The following PPP2R1B variants were observed in gnomAD, a reference collection of about 807,000 sequenced individuals.
The protein encoded by PPP2R1B is protein phosphatase 2 scaffold subunit Abeta.
In PPP2R1B, 58 loss-of-function variants were observed where a neutral mutation model predicts 72.7. The ratio of observed to expected loss-of-function variants is 0.80; its 90% CI spans 0.65 to 0.99. The LOEUF is 0.99. PPP2R1B is among the 50% of genes least tolerant of loss of function. The pLI is 0.00. For missense variants in PPP2R1B, 695 were observed against 733.6 expected (o/e 0.95, Z 0.61); for synonymous variants, 256 against 264.6 (o/e 0.97, Z 0.32).
At chr11:111,696,189 T>C in the PPP2R1B span, among the ~76,000 whole-genome samples, 3 of 152,114 alleles carry the variant, frequency 2.0e-5, no homozygotes, top group African/African-American at 7.2e-5. Context: ...TGAATACAAA[T>C]TGGAGAAGAC....
the PPP2R1B span, among the ~76,000 whole-genome samples, chr11:111,709,111 G>C: frequency 6.6e-6 from 1 of 152,192 alleles, no homozygotes; most frequent in Non-Finnish European, 1.5e-5. Context: ...CTCACAGTTC[G>C]GGAGGCCGGA....
the PPP2R1B span, chr11:111,712,331 G>A: frequency 6.2e-7 from 1 of 1,614,184 alleles, no homozygotes; most frequent in South Asian, 1.1e-5. Context: ...TGGCTGTCAG[G>A]CGGAAGCTGC....
intron 1 of PPP2R1B, chr11:111,766,045 C>T (rs1945522326): frequency 3.3e-6 from 2 of 611,804 alleles, no homozygotes; most frequent in Admixed American, 2.6e-5. Context: ...GGGTCCGAAG[C>T]AAGGTTACTA....
downstream of PPP2R1B, chr11:111,722,564 A>T (rs1943834120): frequency 1.8e-6 from 2 of 1,114,642 alleles, no homozygotes; most frequent in South Asian, 1.4e-5. The surrounding 1 kb of genome is among the most constrained non-coding windows in gnomAD (Gnocchi z 4.4). Flanking sequence ...TGGATTCTGT[A>T]GAATGCAGTT....
intron 10 of PPP2R1B, among the ~76,000 whole-genome samples, chr11:111,751,505 T>C (rs1031262451): frequency 1.3e-5 from 2 of 152,208 alleles, no homozygotes; most frequent in Non-Finnish European, 2.9e-5. Context: ...AGCACTGATA[T>C]GATGCTCAAA....
At chr11:111,720,874 G>A in the PPP2R1B span, 362 of 1,610,280 alleles carry the variant, frequency 2.2e-4, 2 homozygotes, top group African/African-American at 3.9e-3. Context: ...TAGTTAAACT[G>A]TTTGGTCTTG....
chr11:111,754,419 G>A (rs1469103461), intron 8 of PPP2R1B, 80 bp downstream of exon 8: 56 of 1,519,528 alleles, frequency 3.7e-5, no homozygotes, highest in Non-Finnish European at 4.7e-5. Flanking sequence ...GAGCTTTAAG[G>A]TAAACAAACA....
chr11:111,743,272 A>G, intron 12 of PPP2R1B, 104 bp downstream of exon 12: 7 of 1,145,172 alleles, frequency 6.1e-6, no homozygotes, highest in Non-Finnish European at 7.4e-6. Context: ...TCAATACAAG[A>G]CATATATTCC....
At position 111,732,613 on chromosome 11, in the gene PPP2R1B, C is replaced by T. The variant is rs188370979; in HGVS notation, c.1911+4835G>A. ...GACTGAGGCAGGAGAATCACTTGAA[C>T]CTGGTAGGCAGAGGTTGCAGTGAGC... On this transcript the variant is annotated intron_variant, in intron 15 of 15. Coordinates refer to the PPP2R1B transcript ENST00000311129. Among the ~76,000 whole-genome samples the T allele has an allele frequency of 1.5e-4, 23 of 152,332 alleles. No individual in the cohort carries two copies. The East Asian group carries it at 3.9e-3, about 26-fold the overall frequency.
rs1373084308 is a variant in PPP2R1B, at chr11:111,765,415, T to C, written c.115-31A>G. The C allele has an allele frequency of 2.6e-6, 4 of 1,554,178 alleles. No individual in the cohort carries two copies. In the African/African-American group the frequency reaches 4.1e-5, roughly 16 times the overall value. On this transcript the variant is annotated intron_variant, in intron 1 of 14. Transcript: ENST00000527614. The stretch of plus-strand genomic sequence containing the variant: ...GAAAAGAAAGTAGAAAGAAGAACAA[T>C]GTAAAGAAACGGCTGAATTTAGATC...
intron 12 of PPP2R1B, 132 bp downstream of exon 12, chr11:111,743,244 C>T (rs764857889): frequency 1.4e-5 from 13 of 950,852 alleles, no homozygotes; most frequent in Admixed American, 3.0e-5. Flanking sequence ...TCTCTCATCT[C>T]CTGTCTATTC....
chr11:111,738,723 G>A lies in PPP2R1B; in HGVS notation c.*2873C>T, dbSNP rs1455546094. On this transcript the variant is annotated 3_prime_UTR_variant, in exon 15 of 15. Coordinates refer to ENST00000527614, the MANE Select transcript of PPP2R1B (RefSeq NM_002716.5). ...ACCTGCCTTCCTTCTTATGAAACAA[G>A]ATGCATCCTCAGGTTCACATCTTCT... is the stretch of plus-strand genomic sequence containing the variant. 1.0e-6 allele frequency: 1 copy of A among 985,274 alleles called. No homozygotes were observed. Among genetic ancestry groups the A allele is most frequent in the Admixed American group, 6.2e-5 (1 of 16,260 alleles). The allele number at this position is 985,274 out of a possible 1,614,324, so 61.0% of individuals were successfully genotyped here.
chr11:111,727,208 C>G (rs1446873338), intron 15 of PPP2R1B: 4 of 662,670 alleles, frequency 6.0e-6, no homozygotes, highest in Admixed American at 2.4e-5. Context: ...GTTCTCTACA[C>G]CATCCACCTT....
rs952893619 is a variant in PPP2R1B at position 111,738,904 on chromosome 11, G to GTA, written c.*2691_*2692insTA. 1 of 982,640 alleles carries GTA rather than the reference G, an allele frequency of 1.0e-6. No homozygotes were observed. The highest frequency in any genetic ancestry group is 1.2e-6 in the Non-Finnish European group (1 of 827,970). 60.9% of individuals were successfully genotyped at this position (982,640 alleles called of 1,614,324 possible). On this transcript the variant is annotated 3_prime_UTR_variant, in exon 15 of 15. Coordinates refer to ENST00000527614, the MANE Select transcript of PPP2R1B (RefSeq NM_002716.5). ...TGTTTGTGTGTGTGTGTGTGTGTGT[G>GTA]TGTGTGTGTGTGTGTGTGTGTCTGC...
rs1284941120 is a variant in PPP2R1B, at chr11:111,761,056, A to C, written c.307-5T>G. 1 of 1,611,992 alleles carries C rather than the reference A, an allele frequency of 6.2e-7. No individual in the cohort carries two copies. Among genetic ancestry groups the C allele is most frequent in the Non-Finnish European group, 8.5e-7 (1 of 1,178,602 alleles). ...TGCCAGATTTTCCAAAGGAGGCTGA[A>C]TGGATTAAAAAGGAAAACCAGAGAA... On this transcript the variant is annotated splice_polypyrimidine_tract_variant and splice_region_variant and intron_variant, in intron 3 of 14. Coordinates refer to ENST00000527614, the MANE Select transcript of PPP2R1B (RefSeq NM_002716.5).
At chr11:111,741,927 G>A (rs1217817158) in intron 14 of PPP2R1B, 126 bp downstream of exon 14, 5 of 908,930 alleles carry the variant, frequency 5.5e-6, no homozygotes, top group Non-Finnish European at 7.3e-6. Flanking sequence ...AGCATTCCAG[G>A]AACTTACTAC....
At chr11:111,750,383 C>T (rs1030501750) in intron 10 of PPP2R1B, among the ~76,000 whole-genome samples, 6 of 152,158 alleles carry the variant, frequency 3.9e-5, no homozygotes, top group Non-Finnish European at 7.3e-5. Flanking sequence ...TACACAGTGG[C>T]TCATGCCTAT....
At position 111,739,917 on chromosome 11, in the gene PPP2R1B, A is replaced by G. The variant is rs1332163363; in HGVS notation, c.*1679T>C. 1 of 981,456 alleles carries G rather than the reference A, an allele frequency of 1.0e-6. No homozygotes were observed. Among genetic ancestry groups the G allele is most frequent in the Non-Finnish European group, 1.2e-6 (1 of 826,418 alleles). 60.8% of individuals were successfully genotyped at this position (981,456 alleles called of 1,614,324 possible). On this transcript the variant is annotated 3_prime_UTR_variant, in exon 15 of 15. Transcript: ENST00000527614. ...ACTATAAGGTAATTTGGCAGTTTAAAATGCAGACAGATAACCTCTGATTTA... is the reference window on the plus strand; with the variant it reads ...ACTATAAGGTAATTTGGCAGTTTAAGATGCAGACAGATAACCTCTGATTTA...
rs1944387457 is a variant in PPP2R1B at position 111,737,944 on chromosome 11, T to C, written c.*3652A>G. On this transcript the variant is annotated 3_prime_UTR_variant, in exon 15 of 15. Coordinates refer to ENST00000527614, the MANE Select transcript of PPP2R1B (RefSeq NM_002716.5). Reference sequence around the variant, plus strand: ...GAAATGGCTTGGCTTTCCGACGCAATGAGTAATTAAACTCTATTCGTCCTC... The same window carrying C: ...GAAATGGCTTGGCTTTCCGACGCAACGAGTAATTAAACTCTATTCGTCCTC... 2 of 1,039,448 alleles carry C rather than the reference T, an allele frequency of 1.9e-6. No homozygotes were observed. Among genetic ancestry groups the C allele is most frequent in the Non-Finnish European group, 2.3e-6 (2 of 861,770 alleles). The allele number at this position is 1,039,448 out of a possible 1,614,324, so 64.4% of individuals were successfully genotyped here. A position where few individuals can be genotyped will look rare whatever the true frequency, so the allele number is the denominator to read the frequency against.
Sources: allele counts gnomAD v4.1 joint callset (sites outside exome capture counted in the v4.1 genomes callset), GRCh38; gene constraint gnomAD v4.1.1; non-coding constraint Gnocchi (gnomAD v3.1); transcripts MANE v1.5; gene names NCBI Gene and HGNC (gene_info 2026-07-23, HGNC 2026-07-21).